Variants in PAPSS2 observed in about 807,000 individuals in gnomAD.
PAPSS2 encodes 3'-phosphoadenosine 5'-phosphosulfate synthase 2.
PAPSS2 carries 61 observed loss-of-function variants against 66.5 expected under a neutral mutation model. The observed-to-expected ratio is 0.92, with a 90% CI of 0.75 to 1.14. The LOEUF (loss-of-function observed/expected upper bound fraction) is 1.14. PAPSS2 is among the 50% of genes most tolerant of loss of function. The pLI is 0.00. For missense variants in PAPSS2, 708 were observed against 789.6 expected (o/e 0.90, Z 1.24); for synonymous variants, 289 against 287.5 (o/e 1.01, Z -0.05).
At chr10:87,660,367 G>A in intron 1 of PAPSS2, 1 of 441,742 alleles carries the variant, frequency 2.3e-6, no homozygotes, top group Non-Finnish European at 4.1e-6. Context: ...TTCTTCTGTA[G>A]GGTCTCGGAG....
Position 87,734,066 on chromosome 10 carries a change from T to TC in PAPSS2, c.1086+6582dup, listed in dbSNP as rs565632615. Reference sequence around the variant, plus strand: ...AATTCTTTCCTCTCTCTTGTCTTACTCCCCCATAATCTCCCACTCTTTAGC... The same window carrying TC: ...AATTCTTTCCTCTCTCTTGTCTTACTCCCCCCATAATCTCCCACTCTTTAGC... On this transcript the variant is annotated intron_variant, in intron 9 of 12. Transcript: ENST00000456849. Among the ~76,000 whole-genome samples, 134 of 152,206 alleles carry TC rather than the reference T, an allele frequency of 8.8e-4. 1 individual carries two copies. The highest frequency in any genetic ancestry group is 2.9e-3 in the African/African-American group (122 of 41,526).
chr10:87,740,093 CTA>C (rs1294983986), intron 9 of PAPSS2, among the ~76,000 whole-genome samples: 2 of 152,136 alleles, frequency 1.3e-5, no homozygotes, highest in African/African-American at 4.8e-5. Flanking sequence ...TCAGATATGA[CTA>C]TTCGGCAGAT....
chr10:87,691,738 G>A (rs116076355), intron 1 of PAPSS2, among the ~76,000 whole-genome samples: 1,970 of 152,240 alleles, frequency 0.013, 52 homozygotes, highest in African/African-American at 0.044. Flanking sequence ...CAATGTTTAG[G>A]CCACACCTTA....
At chr10:87,702,329 C>T (rs1394321087) in intron 1 of PAPSS2, among the ~76,000 whole-genome samples, 1 of 152,122 alleles carries the variant, frequency 6.6e-6, no homozygotes, top group Non-Finnish European at 1.5e-5. Flanking sequence ...GGACTTCAGC[C>T]CCCTTCCCAA....
intron 9 of PAPSS2, among the ~76,000 whole-genome samples, chr10:87,736,815 G>A (rs990994611): frequency 3.3e-5 from 5 of 152,226 alleles, no homozygotes; most frequent in Non-Finnish European, 5.9e-5. Context: ...AGTGTGTGGA[G>A]AGTTGGCCCT....
intron 1 of PAPSS2, among the ~76,000 whole-genome samples, chr10:87,706,685 G>A (rs1004952735): frequency 6.6e-6 from 1 of 152,074 alleles, no homozygotes; most frequent in African/African-American, 2.4e-5. Context: ...CTGGATCCTG[G>A]GAGTTCAAGG....
chr10:87,683,094 C>CTT (rs34190865), intron 1 of PAPSS2, among the ~76,000 whole-genome samples: 71 of 130,536 alleles, frequency 5.4e-4, no homozygotes, highest in East Asian at 2.2e-3. Context: ...TTTCTTTTTT[C>CTT]TTTTTTTTTT....
intron 1 of PAPSS2, among the ~76,000 whole-genome samples, chr10:87,674,138 T>A (rs1347159621): frequency 2.0e-5 from 3 of 152,074 alleles, no homozygotes; most frequent in African/African-American, 7.2e-5. Context: ...TCCCCAGAAG[T>A]CAGGAAGGTT....
chr10:87,712,564 TC>T, intron 2 of PAPSS2, among the ~76,000 whole-genome samples: 1 of 152,160 alleles, frequency 6.6e-6, no homozygotes, highest in Non-Finnish European at 1.5e-5. Context: ...CAAGGGGTCT[TC>T]CTACCTCAGC....
rs781150723 is a variant in PAPSS2, at chr10:87,747,148, C to T, written c.*1178C>T. ...GCTGCCTTCTCGGATACTGAAAGGT[C>T]GAGTTTTCTGAACTGCACTGATTTT... On this transcript the variant is annotated 3_prime_UTR_variant, in exon 13 of 13. Transcript: ENST00000456849. 5.3e-5 allele frequency: 8 copies of T among 150,070 alleles called. No homozygotes were observed. Among genetic ancestry groups the T allele is most frequent in the Admixed American group, 4.0e-4 (6 of 15,012 alleles). The allele number at this position is 150,070 out of a possible 1,614,324, so 9.3% of individuals were successfully genotyped here.
At chr10:87,738,451 C>A (rs1853828049) in intron 9 of PAPSS2, among the ~76,000 whole-genome samples, 1 of 151,826 alleles carries the variant, frequency 6.6e-6, no homozygotes, top group Admixed American at 6.6e-5. Flanking sequence ...CTCTGTCACC[C>A]AGGCTGAAGT....
chr10:87,697,157 C>T (rs1853244577), intron 1 of PAPSS2, among the ~76,000 whole-genome samples: 1 of 152,158 alleles, frequency 6.6e-6, no homozygotes, highest in South Asian at 2.1e-4. Flanking sequence ...GAGTACAGGT[C>T]AGACACTTTG....
chr10:87,660,804 G>GA (rs61018901), intron 1 of PAPSS2, among the ~76,000 whole-genome samples: 1,675 of 113,800 alleles, frequency 0.015, 82 homozygotes, highest in Non-Finnish European at 0.022. Context: ...CCAATAAACT[G>GA]AAAAAAAAAA....
intron 1 of PAPSS2, chr10:87,661,010 T>G (rs1276329781): frequency 2.2e-6 from 1 of 455,950 alleles, no homozygotes; most frequent in Non-Finnish European, 4.4e-6. Flanking sequence ...GGTTACTGAA[T>G]GGGTTGACCT....
At chr10:87,676,500 C>T (rs1852948769) in intron 1 of PAPSS2, among the ~76,000 whole-genome samples, 2 of 152,234 alleles carry the variant, frequency 1.3e-5, no homozygotes, top group African/African-American at 4.8e-5. Flanking sequence ...ATCCTGCCCA[C>T]TTAAATGTTT....
At chr10:87,726,520 G>A (rs1292670904) in intron 8 of PAPSS2, among the ~76,000 whole-genome samples, 21 of 152,180 alleles carry the variant, frequency 1.4e-4, no homozygotes, top group Admixed American at 1.4e-3. Context: ...AAATGCTTGA[G>A]GTGATGGGTA....
intron 9 of PAPSS2, among the ~76,000 whole-genome samples, chr10:87,729,734 C>T (rs1853705311): frequency 6.6e-6 from 1 of 152,166 alleles, no homozygotes; most frequent in Non-Finnish European, 1.5e-5. Flanking sequence ...CAGTGGCTCA[C>T]ACTTGTAATC....
At chr10:87,724,726 CAT>C (rs1853637467) in intron 8 of PAPSS2, among the ~76,000 whole-genome samples, 1 of 147,742 alleles carries the variant, frequency 6.8e-6, no homozygotes, top group Admixed American at 6.8e-5. Flanking sequence ...CTATATATAA[CAT>C]ATAGATATTA....
At chr10:87,709,603 T>G (rs1416527861) in intron 2 of PAPSS2, among the ~76,000 whole-genome samples, 1 of 152,202 alleles carries the variant, frequency 6.6e-6, no homozygotes, top group African/African-American at 2.4e-5. Context: ...GACATCCCCT[T>G]TCAGTGCTAA....
Sources: gnomAD v4.1 joint callset for allele counts (sites outside exome capture counted in the v4.1 genomes callset) on GRCh38, gnomAD v4.1.1 for gene constraint, MANE v1.5 for transcripts, NCBI Gene and HGNC (gene_info 2026-07-23, HGNC 2026-07-21) for gene names.